The following QSER1 variants were observed in gnomAD, a reference collection of about 807,000 sequenced individuals.
The protein encoded by QSER1 is glutamine and serine rich 1.
In QSER1, 49 loss-of-function variants were observed where a neutral mutation model predicts 158.5. That is an observed-to-expected ratio of 0.31 (90% CI 0.25 to 0.39). The LOEUF (loss-of-function observed/expected upper bound fraction) is 0.39, where lower values mean the gene tolerates loss of function less well. Ranked by LOEUF, QSER1 falls within the 10% of genes least tolerant of loss-of-function variation. The probability of loss-of-function intolerance (pLI) is 1.00; values close to 1 mark genes in which losing one functional copy is unlikely to be tolerated. For missense variants in QSER1, 1,754 were observed against 2,010.3 expected (o/e 0.87, Z 2.44); for synonymous variants, 650 against 715.5 (o/e 0.91, Z 1.46).
At position 32,933,083 on chromosome 11, in the gene QSER1, C is replaced by G; in HGVS notation, c.1825C>G (p.Arg609Gly). The G allele has an allele frequency of 6.2e-7, 1 of 1,613,836 alleles. No individual in the cohort carries two copies. The highest frequency in any genetic ancestry group is 8.5e-7 in the Non-Finnish European group (1 of 1,179,998). Residue 609 changes from arginine (R) to glycine (G), a missense_variant, in exon 4 of 13, where the codon CGG (arginine) becomes GGG (glycine). Physicochemically the swap from Arg to Gly is moderately radical, Grantham distance 125. Around this residue, in one of 2 missense-constraint regions of QSER1, gnomAD observed 1,707 missense variants for 1,919.6 expected, o/e 0.89. Transcript: ENST00000650167. ...APSLSYSSASRAQNLPDSSPT... is the reference protein window; with the variant it reads ...APSLSYSSASGAQNLPDSSPT... ...TTCTCTTTCTTATTCTTCTGCCTCTCGGGCTCAGAATTTGCCAGACTCTAG... is the reference window on the plus strand; with the variant it reads ...TTCTCTTTCTTATTCTTCTGCCTCTGGGGCTCAGAATTTGCCAGACTCTAG...
chr11:32,973,408 A>G lies in QSER1; in HGVS notation c.5217A>G (p.Glu1739=). 1.2e-6 allele frequency: 2 copies of G among 1,613,474 alleles called. No homozygotes were observed. Among genetic ancestry groups the G allele is most frequent in the Non-Finnish European group, 1.7e-6 (2 of 1,179,830 alleles). The change falls in exon 11 of 13, where the codon GAA becomes GAG. Residue 1739 remains glutamate (E), a synonymous_variant. Coordinates refer to ENST00000650167, the MANE Select transcript of QSER1 (RefSeq NM_001076786.3). ...HLDQSFKNAL[E]SFPELTIITR... ...TCATTGTTTTCCAGAATGCTTTGGA[A>G]AGTTTTCCTGAACTAACAATAATTA...
chr11:32,955,492 T>C, intron 6 of QSER1, 80 bp downstream of exon 6: 2 of 648,284 alleles, frequency 3.1e-6, no homozygotes, highest in Non-Finnish European at 5.2e-6. Flanking sequence ...TAGAAGTATT[T>C]TATATTGAAT....
At chr11:32,926,454 G>A (rs545529268) in intron 1 of QSER1, among the ~76,000 whole-genome samples, 5 of 152,116 alleles carry the variant, frequency 3.3e-5, no homozygotes, top group African/African-American at 1.2e-4. Context: ...AGAAAAGTGG[G>A]TATGTGTGTA....
At chr11:32,940,614 A>G (rs1425502413) in intron 4 of QSER1, among the ~76,000 whole-genome samples, 5 of 152,168 alleles carry the variant, frequency 3.3e-5, no homozygotes, top group Non-Finnish European at 5.9e-5. Context: ...AGATCTAACT[A>G]ACTGTCTTTC....
At chr11:32,895,837 A>T (rs1252641180) in intron 1 of QSER1, among the ~76,000 whole-genome samples, 1 of 152,226 alleles carries the variant, frequency 6.6e-6, no homozygotes. Context: ...ACAGCTTTTC[A>T]TGAGTTTGAA....
chr11:32,946,573 G>A (rs574163993), intron 4 of QSER1, among the ~76,000 whole-genome samples: 3 of 152,350 alleles, frequency 2.0e-5, no homozygotes, highest in African/African-American at 7.2e-5. Flanking sequence ...CACTTTAGGA[G>A]GCAGTCTGCC....
At chr11:32,925,747 C>T (rs992299311) in intron 1 of QSER1, among the ~76,000 whole-genome samples, 4 of 151,952 alleles carry the variant, frequency 2.6e-5, no homozygotes, top group African/African-American at 9.6e-5. Flanking sequence ...AGGCTGATCT[C>T]AAACTCCTGA....
intron 1 of QSER1, among the ~76,000 whole-genome samples, chr11:32,897,240 A>T (rs1355440838): frequency 6.6e-6 from 1 of 152,230 alleles, no homozygotes; most frequent in African/African-American, 2.4e-5. Context: ...GAAGTAATTT[A>T]TACCTACAGC....
chr11:32,977,147 T>A lies in QSER1; in HGVS notation c.*673T>A, dbSNP rs1303790260. Reference sequence around the variant, plus strand: ...CTATTTTCCCTATCGCAAAGAAAAGTATTTTCGTTTATACTGTTTTTTCCT... The same window carrying A: ...CTATTTTCCCTATCGCAAAGAAAAGAATTTTCGTTTATACTGTTTTTTCCT... On this transcript the variant is annotated 3_prime_UTR_variant, in exon 13 of 13. Coordinates refer to ENST00000650167, the MANE Select transcript of QSER1 (RefSeq NM_001076786.3). The A allele has an allele frequency of 6.6e-6, 1 of 152,614 alleles. No homozygotes were observed. Among genetic ancestry groups the A allele is most frequent in the Admixed American group, 6.5e-5 (1 of 15,276 alleles). The allele number at this position is 152,614 out of a possible 1,614,324, so 9.5% of individuals were successfully genotyped here. A position where few individuals can be genotyped will look rare whatever the true frequency, so the allele number is the denominator to read the frequency against.
At chr11:32,951,256 T>C (rs1483879464) in intron 4 of QSER1, among the ~76,000 whole-genome samples, 2 of 152,162 alleles carry the variant, frequency 1.3e-5, no homozygotes, top group African/African-American at 4.8e-5. Flanking sequence ...AGTATAGGAG[T>C]TTCTTTCTGA....
chr11:32,895,711 G>A (rs984864204), intron 1 of QSER1, among the ~76,000 whole-genome samples: 1 of 152,198 alleles, frequency 6.6e-6, no homozygotes, highest in African/African-American at 2.4e-5. Context: ...CTATTCAGAA[G>A]CTGACAGATG....
At chr11:32,940,271 C>G (rs1319290521) in intron 4 of QSER1, among the ~76,000 whole-genome samples, 2 of 152,124 alleles carry the variant, frequency 1.3e-5, no homozygotes, top group Non-Finnish European at 2.9e-5. Flanking sequence ...GCTTCTTTAC[C>G]CATTCCTCTG....
intron 10 of QSER1, among the ~76,000 whole-genome samples, chr11:32,969,689 T>G (rs970648893): frequency 6.7e-6 from 1 of 148,422 alleles, no homozygotes; most frequent in Non-Finnish European, 1.5e-5. Context: ...TTCTTTTCTT[T>G]TTTTTTTTTT....
At chr11:32,976,104 T>G (rs778617582) in intron 12 of QSER1, among the ~76,000 whole-genome samples, 1 of 152,214 alleles carries the variant, frequency 6.6e-6, no homozygotes, top group African/African-American at 2.4e-5. Flanking sequence ...AATTTGTCAT[T>G]TGACTTTTAA....
intron 4 of QSER1, among the ~76,000 whole-genome samples, chr11:32,941,572 T>C (rs1852238003): frequency 6.6e-6 from 1 of 152,166 alleles, no homozygotes; most frequent in Non-Finnish European, 1.5e-5. Context: ...CATCATTTTT[T>C]GTGGCTGCAT....
chr11:32,931,852 T>C lies in QSER1; in HGVS notation c.594T>C (p.Asn198=). The C allele has an allele frequency of 6.2e-7, 1 of 1,614,122 alleles. No homozygotes were observed. Among genetic ancestry groups the C allele is most frequent in the Non-Finnish European group, 8.5e-7 (1 of 1,179,972 alleles). ...SAYQHPTTFS[N]RNFATTSPLV... Reference sequence around the variant, plus strand: ...ATCAGCATCCCACCACCTTCAGCAATAGAAACTTTGCTACCACTTCACCTT... The same window carrying C: ...ATCAGCATCCCACCACCTTCAGCAACAGAAACTTTGCTACCACTTCACCTT... The change falls in exon 4 of 13, where the codon AAT becomes AAC. Residue 198 remains asparagine (N), a synonymous_variant. Transcript: ENST00000650167.
chr11:32,953,925 A>G lies in QSER1; in HGVS notation c.4246A>G (p.Thr1416Ala), dbSNP rs1364568574. The stretch of plus-strand genomic sequence containing the variant: ...TGGTACTGCTACTACTTCCTCAACC[A>G]CTGTGGGTGCAGTTAAGCAAGAACC... ...TTGTATTSSTTVGAVKQEPLH... is the reference protein window; with the variant it reads ...TTGTATTSSTAVGAVKQEPLH... The change falls in exon 5 of 13, where the codon ACT becomes GCT. Residue 1416 changes from threonine to alanine, a missense_variant. Thr to Ala is a moderately conservative substitution (Grantham distance 58). This residue lies in a region of QSER1 where 1,707 missense variants were observed against 1,919.6 expected (regional missense o/e 0.89). Coordinates refer to ENST00000650167, the MANE Select transcript of QSER1 (RefSeq NM_001076786.3). 2.5e-6 allele frequency: 4 copies of G among 1,614,036 alleles called. No homozygotes were observed. Among genetic ancestry groups the G allele is most frequent in the South Asian group, 1.1e-5 (1 of 91,084 alleles).
rs142955603 is a variant in QSER1 at position 32,898,008 on chromosome 11, G to C, written c.209+4674G>C. Among the ~76,000 whole-genome samples the C allele has an allele frequency of 2.5e-3, 381 of 152,178 alleles. 4 individuals are homozygous for C. Among genetic ancestry groups the C allele is most frequent in the African/African-American group, 9.0e-3 (372 of 41,520 alleles). ...TCCAAGCCACCATTATTTTTCACTT[G>C]GACAACTGTGGTAGCTTCCTAACTT... On this transcript the variant is annotated intron_variant, in intron 1 of 12. Coordinates refer to ENST00000650167, the MANE Select transcript of QSER1 (RefSeq NM_001076786.3).
At position 32,975,394 on chromosome 11, in the gene QSER1, G is replaced by C. The variant is rs1852956744; in HGVS notation, c.5454+51G>C. 3.1e-6 allele frequency: 5 copies of C among 1,597,672 alleles called. No homozygotes were observed. The African/African-American group carries it at 6.7e-5, about 21-fold the overall frequency. The stretch of plus-strand genomic sequence containing the variant: ...AAAATGTTTTTCAGAATGTTAAGGA[G>C]ACTCTAGCCATAGTATTTTGGAGTG... On this transcript the variant is annotated intron_variant, in intron 12 of 12. Transcript: ENST00000650167.
Sources: gnomAD v4.1 joint callset for allele counts (sites outside exome capture counted in the v4.1 genomes callset) on GRCh38, gnomAD v4.1.1 for gene constraint, gnomAD v4.1.1 regional missense constraint, MANE v1.5 for transcripts, NCBI Gene and HGNC (gene_info 2026-07-23, HGNC 2026-07-21) for gene names.